The following ANKRD30B variants were observed in gnomAD, a reference collection of about 807,000 sequenced individuals.
ANKRD30B encodes the protein ankyrin repeat domain-containing protein 30B.
ANKRD30B carries 144 observed loss-of-function variants against 202.2 expected under a neutral mutation model. That is an observed-to-expected ratio of 0.71 (90% CI 0.62 to 0.82). The LOEUF is 0.82. Among genes scored for constraint, ANKRD30B ranks in the 40% least tolerant of loss-of-function variants. The probability of loss-of-function intolerance (pLI) is 0.00; values close to 1 mark genes in which losing one functional copy is unlikely to be tolerated. For missense variants in ANKRD30B, 1,487 were observed against 1,669.1 expected (o/e 0.89, Z 1.90); for synonymous variants, 508 against 561.3 (o/e 0.91, Z 1.34).
In ANKRD30B at chr18:14,810,088, G is replaced by C. The variant is rs760648073; in HGVS notation, c.2416-20G>C. ...AAGTATACATTATCTATTAATTTTT[G>C]TGTTTCCAAACCCATTTAGCCTACC... On this transcript the variant is annotated intron_variant, in intron 27 of 43. Transcript: ENST00000690538. The C allele has an allele frequency of 6.4e-5, 95 of 1,488,918 alleles. 1 individual carries two copies. Among genetic ancestry groups the C allele is most frequent in the Non-Finnish European group, 8.4e-5 (92 of 1,088,866 alleles). The allele number at this position is 1,488,918 out of a possible 1,614,324, so 92.2% of individuals were successfully genotyped here.
intron 14 of ANKRD30B, among the ~76,000 whole-genome samples, chr18:14,786,014 C>T (rs1304100071): frequency 4.2e-5 from 6 of 141,742 alleles, no homozygotes; most frequent in African/African-American, 1.1e-4. Flanking sequence ...GTCTGCAGTC[C>T]GGCCTGGGCG....
chr18:14,769,213 C>A, intron 7 of ANKRD30B, 130 bp from the exon 8 acceptor site: 1 of 634,308 alleles, frequency 1.6e-6, no homozygotes, highest in Non-Finnish European at 2.6e-6. Flanking sequence ...CTCAGGCGAT[C>A]CTCCTGCCTC....
the ANKRD30B span, among the ~76,000 whole-genome samples, chr18:14,923,823 G>C: frequency 6.6e-6 from 1 of 152,188 alleles, no homozygotes; most frequent in Non-Finnish European, 1.5e-5. Flanking sequence ...GTCTCTCTCT[G>C]TGTGTTGAGC....
chr18:14,760,690 G>A (rs1248746751), intron 6 of ANKRD30B, 72 bp downstream of exon 6: 15 of 1,150,216 alleles, frequency 1.3e-5, no homozygotes, highest in South Asian at 2.9e-5. Context: ...TCACAAAAAA[G>A]CAATTCAAAA....
At chr18:14,779,497 A>T (rs998807983) in intron 10 of ANKRD30B, among the ~76,000 whole-genome samples, 4 of 152,222 alleles carry the variant, frequency 2.6e-5, no homozygotes, top group Non-Finnish European at 4.4e-5. Context: ...ATTTCCTAAT[A>T]TCAAAAAGTT....
chr18:14,749,540 G>A (rs1406606273), intron 1 of ANKRD30B, among the ~76,000 whole-genome samples: 1 of 151,624 alleles, frequency 6.6e-6, no homozygotes, highest in African/African-American at 2.4e-5. Context: ...GCCTGATGTC[G>A]GGTGCCTGTA....
the ANKRD30B span, among the ~76,000 whole-genome samples, chr18:14,926,271 A>G: frequency 6.6e-6 from 1 of 152,242 alleles, no homozygotes; most frequent in South Asian, 2.1e-4. Flanking sequence ...AAAATAAGCC[A>G]TCTACAAAAA....
the ANKRD30B span, among the ~76,000 whole-genome samples, chr18:14,884,495 C>A: frequency 5.9e-5 from 9 of 151,658 alleles, no homozygotes; most frequent in Admixed American, 2.6e-4. Context: ...TAGATAACTA[C>A]CACATGGAAG....
chr18:14,764,217 T>A (rs2143737552), intron 7 of ANKRD30B, 127 bp downstream of exon 7: 1 of 975,012 alleles, frequency 1.0e-6, no homozygotes, highest in East Asian at 2.7e-5. Flanking sequence ...GCAACACTTT[T>A]TAATAGTGTA....
At chr18:14,784,618 T>A in intron 14 of ANKRD30B, 83 bp downstream of exon 14, 1 of 1,415,846 alleles carries the variant, frequency 7.1e-7, no homozygotes, top group South Asian at 1.3e-5. Context: ...AATGATTTAT[T>A]TCTTTTAACT....
Position 14,850,284 on chromosome 18 carries a change from G to A in ANKRD30B, c.3466G>A (p.Glu1156Lys). Residue 1156 changes from glutamate to lysine, a missense_variant, in exon 41 of 44, where the codon GAG becomes AAG. Physicochemically the swap from Glu to Lys is moderately conservative, Grantham distance 56. This residue lies in a region of ANKRD30B where 177 missense variants were observed against 216.4 expected (regional missense o/e 0.82). Transcript: ENST00000690538. ...ATTAAAAGAAAAAATTAGACCCGAA[G>A]AGCAACTTAGGAAAAAGTTAGAAGT... ...DILKEKIRPE[E>K]QLRKKLEVKQ... 1.3e-6 allele frequency: 2 copies of A among 1,592,192 alleles called. No homozygotes were observed. The highest frequency in any genetic ancestry group is 1.7e-6 in the Non-Finnish European group (2 of 1,170,564).
At chr18:14,919,577 C>T in the ANKRD30B span, among the ~76,000 whole-genome samples, 3 of 152,206 alleles carry the variant, frequency 2.0e-5, no homozygotes, top group African/African-American at 7.2e-5. Flanking sequence ...CAATCACACT[C>T]TAAATGACAG....
At chr18:14,852,615 G>A in intron 42 of ANKRD30B, 195 bp downstream of exon 42, 1 of 619,486 alleles carries the variant, frequency 1.6e-6, no homozygotes, top group African/African-American at 1.9e-5. Context: ...TAAAGGTATT[G>A]TGTCACTGAT....
At chr18:14,844,937 AT>A (rs200280208) in intron 39 of ANKRD30B, among the ~76,000 whole-genome samples, 6 of 151,494 alleles carry the variant, frequency 4.0e-5, no homozygotes, top group East Asian at 1.9e-4. Flanking sequence ...GGGTTGTTTG[AT>A]TTTTTTTTAA....
intron 14 of ANKRD30B, among the ~76,000 whole-genome samples, chr18:14,786,544 G>T (rs1183272604): frequency 6.6e-6 from 1 of 152,012 alleles, no homozygotes; most frequent in East Asian, 1.9e-4. Flanking sequence ...AATGTAAAAG[G>T]GTTGGACATA....
chr18:14,836,170 TCTA>T (rs1174478762), intron 34 of ANKRD30B, among the ~76,000 whole-genome samples: 4 of 152,178 alleles, frequency 2.6e-5, no homozygotes, highest in Non-Finnish European at 5.9e-5. Flanking sequence ...ATGTAGGTCA[TCTA>T]CTCATACTCC....
chr18:14,784,266 T>C, intron 12 of ANKRD30B, 70 bp from the exon 13 acceptor site: 1 of 1,450,656 alleles, frequency 6.9e-7, no homozygotes, highest in Non-Finnish European at 9.6e-7. Flanking sequence ...TTAGATACTA[T>C]CACTGCATTC....
chr18:14,871,675 T>C, the ANKRD30B span, among the ~76,000 whole-genome samples: 25 of 152,188 alleles, frequency 1.6e-4, no homozygotes, highest in African/African-American at 5.8e-4. Context: ...GGAGGATTTC[T>C]TGAGGCCAGG....
intron 32 of ANKRD30B, among the ~76,000 whole-genome samples, chr18:14,827,086 A>T (rs534927998): frequency 6.6e-6 from 1 of 152,174 alleles, no homozygotes; most frequent in South Asian, 2.1e-4. Flanking sequence ...TTAGGCTACT[A>T]ATTATTTCTT....
Sources: gnomAD v4.1 joint callset for allele counts (sites outside exome capture counted in the v4.1 genomes callset) on GRCh38, gnomAD v4.1.1 for gene constraint, gnomAD v4.1.1 regional missense constraint, MANE v1.5 for transcripts, NCBI Gene and HGNC (gene_info 2026-07-23, HGNC 2026-07-21) for gene names.